The following DLGAP2 variants were observed in gnomAD, a reference collection of about 807,000 sequenced individuals.
The protein encoded by DLGAP2 is disks large-associated protein 2.
In DLGAP2, 26 loss-of-function variants were observed where a neutral mutation model predicts 100.3. That is an observed-to-expected ratio of 0.26 (90% CI 0.19 to 0.36). DLGAP2 has a LOEUF of 0.36. Ranked by LOEUF, DLGAP2 falls within the 10% of genes least tolerant of loss-of-function variation. The pLI, the probability that DLGAP2 is intolerant of heterozygous loss-of-function variation, is 1.00. For synonymous variants in DLGAP2, 886 were observed against 630.1 expected, an observed-to-expected ratio of 1.41 and a Z score of -6.08; for missense variants, 1,858 against 1,453.2, an observed-to-expected ratio of 1.28 and a Z score of -4.53.
chr8:1,363,436 G>A (rs1007091325), intron 3 of DLGAP2, among the ~76,000 whole-genome samples: 2 of 152,192 alleles, frequency 1.3e-5, no homozygotes, highest in African/African-American at 2.4e-5. Context: ...AGAGGCACCT[G>A]TAAGCCCTCC....
intron 6 of DLGAP2, among the ~76,000 whole-genome samples, chr8:1,588,089 A>ACAAC (rs1796179768): frequency 6.6e-6 from 1 of 152,212 alleles, no homozygotes; most frequent in Non-Finnish European, 1.5e-5. Context: ...CGCACGATGA[A>ACAAC]GAGTGTTCAG....
intron 2 of DLGAP2, among the ~76,000 whole-genome samples, chr8:1,085,555 G>A (rs1803948049): frequency 1.3e-5 from 2 of 152,086 alleles, no homozygotes; most frequent in South Asian, 2.1e-4. Context: ...TATTCTCAGC[G>A]CCTTTATTGA....
chr8:1,454,649 C>T (rs1329732402), intron 3 of DLGAP2, among the ~76,000 whole-genome samples: 1 of 152,142 alleles, frequency 6.6e-6, no homozygotes, highest in Non-Finnish European at 1.5e-5. Context: ...CTGGATATTT[C>T]CAAAAACTCA....
intron 3 of DLGAP2, among the ~76,000 whole-genome samples, chr8:1,428,314 A>G (rs568381591): frequency 3.0e-4 from 45 of 152,262 alleles, no homozygotes; most frequent in African/African-American, 1.1e-3. Context: ...AAAAAGGACA[A>G]TTTGTCTAAA....
At chr8:1,178,812 C>T (rs1335985727) in intron 2 of DLGAP2, among the ~76,000 whole-genome samples, 1 of 152,222 alleles carries the variant, frequency 6.6e-6, no homozygotes, top group Non-Finnish European at 1.5e-5. Context: ...TGCCCACCGC[C>T]AGCATCTGTC....
chr8:843,788 A>G (rs1797025560), intron 1 of DLGAP2, among the ~76,000 whole-genome samples: 1 of 152,230 alleles, frequency 6.6e-6, no homozygotes, highest in Non-Finnish European at 1.5e-5. Context: ...TTAAAAAGAA[A>G]GCCTTAGACT....
chr8:1,609,219 G>C (rs1713678178), intron 6 of DLGAP2, among the ~76,000 whole-genome samples: 1 of 142,814 alleles, frequency 7.0e-6, no homozygotes. Context: ...AGCCAGAAGA[G>C]AGTGGGGGCC....
intron 2 of DLGAP2, among the ~76,000 whole-genome samples, chr8:1,074,138 C>G (rs2701948): frequency 0.03 from 1,700 of 56,946 alleles, 11 homozygotes; most frequent in Middle Eastern, 0.06. Context: ...TTGCAGCAGA[C>G]TGAGGCTGAA....
intron 3 of DLGAP2, among the ~76,000 whole-genome samples, chr8:1,468,772 G>A (rs1798701777): frequency 6.6e-6 from 1 of 152,184 alleles, no homozygotes; most frequent in African/African-American, 2.4e-5. Flanking sequence ...GGGCAGAGCT[G>A]CACTCCCACT....
intron 2 of DLGAP2, among the ~76,000 whole-genome samples, chr8:1,197,724 GCTGTCCATATAAACCTGAGCCACGCCAA>G (rs1243204231): frequency 1.3e-5 from 2 of 151,422 alleles, no homozygotes; most frequent in East Asian, 1.9e-4. Context: ...TGGGCCACCA[GCTGTCCATATAAACCTGAGCCACGCCAA>G]TGTTGAGGGT....
At chr8:943,272 TG>T (rs1234676843) in intron 2 of DLGAP2, among the ~76,000 whole-genome samples, 2 of 151,954 alleles carry the variant, frequency 1.3e-5, no homozygotes, top group Non-Finnish European at 1.5e-5. Context: ...GCTTGCTGCT[TG>T]CCTTTCTGCA....
chr8:1,410,448 T>C (rs1191158823), intron 3 of DLGAP2, among the ~76,000 whole-genome samples: 1 of 152,166 alleles, frequency 6.6e-6, no homozygotes, highest in Non-Finnish European at 1.5e-5. Flanking sequence ...TTCACATAAT[T>C]CTGTAGCAGT....
chr8:1,258,018 C>T (rs1799265582), intron 2 of DLGAP2, among the ~76,000 whole-genome samples: 1 of 152,228 alleles, frequency 6.6e-6, no homozygotes, highest in Admixed American at 6.5e-5. Context: ...GCTACAGCTT[C>T]CTTGTGTGAG....
intron 2 of DLGAP2, among the ~76,000 whole-genome samples, chr8:1,191,948 G>C (rs1359327607): frequency 6.6e-6 from 1 of 152,182 alleles, no homozygotes; most frequent in Non-Finnish European, 1.5e-5. Flanking sequence ...GTTTTCTCAT[G>C]TGCATGTGTA....
At chr8:1,559,663 C>CA (rs572310017) in intron 5 of DLGAP2, among the ~76,000 whole-genome samples, 19 of 152,170 alleles carry the variant, frequency 1.2e-4, no homozygotes, top group South Asian at 1.0e-3. Context: ...TTTTAATTCA[C>CA]AAAAAAAATC....
chr8:1,168,699 A>T (rs561217198), intron 2 of DLGAP2, among the ~76,000 whole-genome samples: 2 of 145,032 alleles, frequency 1.4e-5, no homozygotes, highest in Admixed American at 1.4e-4. Context: ...GTGTCTGTTC[A>T]TGTCCTTTGC....
At chr8:963,453 G>A (rs1799774705) in intron 2 of DLGAP2, among the ~76,000 whole-genome samples, 1 of 151,886 alleles carries the variant, frequency 6.6e-6, no homozygotes, top group African/African-American at 2.4e-5. Context: ...CTATGTATAT[G>A]GTACATATAT....
At chr8:826,278 A>G (rs1257986671) in intron 1 of DLGAP2, among the ~76,000 whole-genome samples, 1 of 152,206 alleles carries the variant, frequency 6.6e-6, no homozygotes. Flanking sequence ...ACAGAGCTGC[A>G]GTCAACATGG....
At chr8:894,285 C>A (rs533600357) in intron 1 of DLGAP2, among the ~76,000 whole-genome samples, 3 of 152,126 alleles carry the variant, frequency 2.0e-5, no homozygotes, top group African/African-American at 7.2e-5. Flanking sequence ...CCAGCACGGT[C>A]GAGACATCTC....
Sources: allele counts gnomAD v4.1 joint callset (sites outside exome capture counted in the v4.1 genomes callset), GRCh38; gene constraint gnomAD v4.1.1; transcripts MANE v1.5; gene names NCBI Gene and HGNC (gene_info 2026-07-23, HGNC 2026-07-21).